NKAIN3: variants seen among roughly 807,000 people sequenced by gnomAD.
NKAIN3 encodes sodium/potassium transporting ATPase interacting 3.
In NKAIN3, 25 loss-of-function variants were observed where a neutral mutation model predicts 30.2. The observed-to-expected ratio is 0.83, with a 90% CI of 0.60 to 1.16. NKAIN3 has a LOEUF of 1.16. NKAIN3 is among the 50% of genes most tolerant of loss of function. The pLI is 0.00. For missense variants in NKAIN3, 225 were observed against 254.1 expected, an observed-to-expected ratio of 0.89 and a Z score of 0.78; for synonymous variants, 91 against 89.6, an observed-to-expected ratio of 1.02 and a Z score of -0.09.
intron 4 of NKAIN3, among the ~76,000 whole-genome samples, chr8:62,854,332 C>T (rs188650744): frequency 3.9e-5 from 6 of 152,296 alleles, no homozygotes; most frequent in Non-Finnish European, 7.4e-5. Flanking sequence ...GTGTGGGAGT[C>T]TAAGTCTCTG....
chr8:62,563,915 C>T lies in NKAIN3; in HGVS notation c.55-15624C>T, dbSNP rs1809665066. ...TAGTATTGAGCTCTGCAGGGAATTT[C>T]AAAACTCCTTGCTTTGAGTCACTTA... On this transcript the variant is annotated intron_variant, in intron 1 of 6. Transcript: ENST00000623646. Among the ~76,000 whole-genome samples, 3 of 152,120 alleles carry T rather than the reference C, an allele frequency of 2.0e-5. No individual in the cohort carries two copies. The South Asian group carries it at 6.2e-4, about 31-fold the overall frequency.
chr8:62,596,791 C>T (rs1810849306), intron 3 of NKAIN3, among the ~76,000 whole-genome samples: 1 of 152,022 alleles, frequency 6.6e-6, no homozygotes, highest in African/African-American at 2.4e-5. Context: ...TAAAAGGTCC[C>T]CTCGAACAGC....
chr8:62,832,258 GACAC>G (rs57632946), intron 4 of NKAIN3, among the ~76,000 whole-genome samples: 4,840 of 132,480 alleles, frequency 0.037, 98 homozygotes, highest in African/African-American at 0.07. Context: ...TGACCAAACA[GACAC>G]ACACACACAC....
At chr8:62,632,123 G>A (rs753070885) in intron 3 of NKAIN3, among the ~76,000 whole-genome samples, 3 of 152,100 alleles carry the variant, frequency 2.0e-5, no homozygotes, top group Non-Finnish European at 2.9e-5. Flanking sequence ...CCTCTCAGTG[G>A]CTATCTCCAT....
chr8:62,794,225 T>C (rs1306546907), intron 4 of NKAIN3, among the ~76,000 whole-genome samples: 1 of 152,200 alleles, frequency 6.6e-6, no homozygotes, highest in Non-Finnish European at 1.5e-5. Context: ...TGACTAGTAA[T>C]AAGTGGCATC....
Position 62,754,842 on chromosome 8 carries a change from A to G in NKAIN3, c.471+7713A>G, listed in dbSNP as rs139035723. ...ATCTGTTCATATGCTTATAGAATAA[A>G]TTGCACAATGTCAGAGTAGACAATA... On this transcript the variant is annotated intron_variant, in intron 4 of 6. Coordinates refer to ENST00000623646, the MANE Select transcript of NKAIN3 (RefSeq NM_001304533.3). 2.5e-3 allele frequency among the ~76,000 whole-genome samples: 388 copies of G among 152,340 alleles called. 1 individual carries two copies. Among genetic ancestry groups the G allele is most frequent in the African/African-American group, 8.9e-3 (371 of 41,584 alleles).
chr8:62,532,626 A>C (rs1443710861), intron 1 of NKAIN3, among the ~76,000 whole-genome samples: 2 of 152,204 alleles, frequency 1.3e-5, no homozygotes, highest in Non-Finnish European at 2.9e-5. Context: ...TATCTGGATG[A>C]ACACCGTATT....
In NKAIN3 at chr8:62,792,199, T is replaced by A. The variant is rs1300955921; in HGVS notation, c.471+45070T>A. On this transcript the variant is annotated intron_variant, in intron 4 of 6. Transcript: ENST00000623646. ...TTCTGCATCTATGCAGCCACTGCCTTAATTTAAGCTTGGAACAGTACCTGA... is the reference window on the plus strand; with the variant it reads ...TTCTGCATCTATGCAGCCACTGCCTAAATTTAAGCTTGGAACAGTACCTGA... 3.3e-5 allele frequency among the ~76,000 whole-genome samples: 5 copies of A among 152,154 alleles called. No homozygotes were observed. The East Asian group carries it at 9.6e-4, about 29-fold the overall frequency.
chr8:62,465,001 G>A (rs1806114665), intron 1 of NKAIN3, among the ~76,000 whole-genome samples: 1 of 152,138 alleles, frequency 6.6e-6, no homozygotes, highest in Non-Finnish European at 1.5e-5. Flanking sequence ...TATCCTAAGT[G>A]ACATTTTGCC....
chr8:62,987,216 G>A (rs146696639), downstream of NKAIN3, among the ~76,000 whole-genome samples: 22 of 151,734 alleles, frequency 1.4e-4, 1 homozygote, highest in East Asian at 3.9e-3. Flanking sequence ...ACAAGACCAC[G>A]TATCTACTAA....
Position 62,981,743 on chromosome 8 carries a change from A to G in NKAIN3, c.*16336A>G, listed in dbSNP as rs1360609543. Reference sequence around the variant, plus strand: ...AACCTTATGTATCCACAACAGAACTAAGGACCGAAAAAAAAAAAAAAAAGA... The same window carrying G: ...AACCTTATGTATCCACAACAGAACTGAGGACCGAAAAAAAAAAAAAAAAGA... On this transcript the variant is annotated 3_prime_UTR_variant, in exon 7 of 7. Coordinates refer to ENST00000623646, the MANE Select transcript of NKAIN3 (RefSeq NM_001304533.3). 7.0e-6 allele frequency: 1 copy of G among 142,818 alleles called. No individual in the cohort carries two copies. The highest frequency in any genetic ancestry group is 1.5e-5 in the Non-Finnish European group (1 of 65,468). 8.8% of individuals were successfully genotyped at this position (142,818 alleles called of 1,614,324 possible). A position where few individuals can be genotyped will look rare whatever the true frequency, so the allele number is the denominator to read the frequency against.
chr8:62,755,297 ACT>A (rs924087721), intron 4 of NKAIN3, among the ~76,000 whole-genome samples: 5 of 152,192 alleles, frequency 3.3e-5, no homozygotes, highest in African/African-American at 9.7e-5. Context: ...TCGGGGGTAA[ACT>A]CTGTCAGATC....
At chr8:62,729,627 A>G (rs1815405240) in intron 3 of NKAIN3, among the ~76,000 whole-genome samples, 1 of 152,038 alleles carries the variant, frequency 6.6e-6, no homozygotes, top group Non-Finnish European at 1.5e-5. Context: ...TAGTATCTTT[A>G]TTCAACTTTT....
chr8:62,708,150 A>G (rs1472702812), intron 3 of NKAIN3, among the ~76,000 whole-genome samples: 1 of 152,164 alleles, frequency 6.6e-6, no homozygotes, highest in Non-Finnish European at 1.5e-5. Context: ...GTTTGAAATC[A>G]GGTAGTGTGA....
chr8:62,701,873 G>C (rs1814348339), intron 3 of NKAIN3, among the ~76,000 whole-genome samples: 1 of 152,074 alleles, frequency 6.6e-6, no homozygotes, highest in South Asian at 2.1e-4. Context: ...ATTCCAAAGC[G>C]CGAACTCCGG....
chr8:62,637,478 G>GA (rs1812169612), intron 3 of NKAIN3, among the ~76,000 whole-genome samples: 2 of 152,088 alleles, frequency 1.3e-5, no homozygotes, highest in African/African-American at 4.8e-5. Context: ...GTCTTACACA[G>GA]AAAAAAATAA....
intron 4 of NKAIN3, among the ~76,000 whole-genome samples, chr8:62,767,413 A>G (rs1202881049): frequency 6.6e-6 from 1 of 152,204 alleles, no homozygotes; most frequent in Admixed American, 6.5e-5. Context: ...GAAAGCACCT[A>G]CAAGAGAGGA....
At chr8:62,578,609 A>C (rs1391941141) in intron 1 of NKAIN3, among the ~76,000 whole-genome samples, 2 of 152,088 alleles carry the variant, frequency 1.3e-5, no homozygotes, top group African/African-American at 4.8e-5. Flanking sequence ...GATTTGGCTA[A>C]CGTATATTTC....
At chr8:62,373,682 G>A (rs901598373) in intron 1 of NKAIN3, among the ~76,000 whole-genome samples, 2 of 152,182 alleles carry the variant, frequency 1.3e-5, no homozygotes, top group Non-Finnish European at 2.9e-5. Context: ...GAAGATTAAA[G>A]TTACACATCT....
Sources: gnomAD v4.1 joint callset for allele counts (sites outside exome capture counted in the v4.1 genomes callset) on GRCh38, gnomAD v4.1.1 for gene constraint, MANE v1.5 for transcripts, NCBI Gene and HGNC (gene_info 2026-07-23, HGNC 2026-07-21) for gene names.